The following TMEM131 variants were observed in gnomAD, a reference collection of about 807,000 sequenced individuals.
The protein encoded by TMEM131 is transmembrane protein 131.
TMEM131 carries 66 observed loss-of-function variants against 211.6 expected under a neutral mutation model. That is an observed-to-expected ratio of 0.31 (90% confidence interval 0.26 to 0.38). The LOEUF (loss-of-function observed/expected upper bound fraction) is 0.38. Ranked by LOEUF, TMEM131 falls within the 10% of genes least tolerant of loss-of-function variation. The pLI is 1.00. For synonymous variants in TMEM131, 844 were observed against 841.3 expected (o/e 1.00, Z -0.06); for missense variants, 2,036 against 2,299.3 (o/e 0.89, Z 2.34).
At chr2:97,990,471 T>C (rs143854034) in intron 1 of TMEM131, among the ~76,000 whole-genome samples, 65 of 152,346 alleles carry the variant, frequency 4.3e-4, no homozygotes, top group African/African-American at 1.2e-3. Flanking sequence ...GACAGATGTC[T>C]TAGGGCGGAA....
intron 4 of TMEM131, among the ~76,000 whole-genome samples, chr2:97,884,459 A>T (rs116766365): frequency 0.025 from 3,784 of 152,270 alleles, 51 homozygotes; most frequent in Middle Eastern, 0.065. Context: ...TGTAGTTTAA[A>T]TCCAATGCTT....
intron 5 of TMEM131, among the ~76,000 whole-genome samples, chr2:97,854,032 A>G (rs559818595): frequency 4.6e-5 from 7 of 152,344 alleles, no homozygotes; most frequent in African/African-American, 1.4e-4. Flanking sequence ...GTGCTATTAA[A>G]CAGCATTGCA....
At chr2:97,922,650 A>C (rs1676793666) in intron 2 of TMEM131, among the ~76,000 whole-genome samples, 1 of 152,204 alleles carries the variant, frequency 6.6e-6, no homozygotes, top group Non-Finnish European at 1.5e-5. Context: ...AACTTCAAAA[A>C]ATATGTGACC....
intron 2 of TMEM131, among the ~76,000 whole-genome samples, chr2:97,921,024 T>C (rs1240200726): frequency 1.3e-5 from 2 of 151,068 alleles, no homozygotes; most frequent in African/African-American, 4.9e-5. Context: ...ATTGAAAAGA[T>C]ACATATGGAA....
intron 1 of TMEM131, among the ~76,000 whole-genome samples, chr2:97,933,843 G>A (rs191195735): frequency 5.2e-4 from 79 of 152,126 alleles, no homozygotes; most frequent in African/African-American, 1.7e-3. Flanking sequence ...TGACAAAACC[G>A]AACACCTCTT....
intron 4 of TMEM131, among the ~76,000 whole-genome samples, chr2:97,862,227 T>G (rs1190479899): frequency 5.9e-5 from 9 of 151,982 alleles, no homozygotes. Context: ...CAAGTCCTTC[T>G]GAATATCTGG....
intron 1 of TMEM131, among the ~76,000 whole-genome samples, chr2:97,992,466 C>T (rs886111510): frequency 6.6e-6 from 1 of 152,054 alleles, no homozygotes; most frequent in African/African-American, 2.4e-5. Context: ...ATTTAATTGC[C>T]AATTAATAAA....
chr2:97,831,057 C>T (rs369636317), intron 11 of TMEM131, among the ~76,000 whole-genome samples: 6 of 152,160 alleles, frequency 3.9e-5, no homozygotes, highest in South Asian at 2.1e-4. Flanking sequence ...TCAGTTTCCA[C>T]GGTAGGTGGG....
intron 11 of TMEM131, among the ~76,000 whole-genome samples, chr2:97,825,032 T>G (rs994036222): frequency 6.6e-6 from 1 of 152,234 alleles, no homozygotes; most frequent in Non-Finnish European, 1.5e-5. Flanking sequence ...CAAGAATGTC[T>G]TCTTCTGTAT....
chr2:97,969,577 T>C (rs536428886), intron 1 of TMEM131, among the ~76,000 whole-genome samples: 1 of 152,244 alleles, frequency 6.6e-6, no homozygotes, highest in Non-Finnish European at 1.5e-5. Flanking sequence ...GTGCTAACAT[T>C]TGTCTTCCCA....
intron 5 of TMEM131, among the ~76,000 whole-genome samples, chr2:97,857,030 A>G (rs1219737544): frequency 6.6e-6 from 1 of 152,232 alleles, no homozygotes; most frequent in Non-Finnish European, 1.5e-5. Flanking sequence ...AAAAATTTCC[A>G]GAGAAACTAT....
rs771965477 is a variant in TMEM131 at position 97,930,100 on chromosome 2, G to C, written c.188-2613C>G. On this transcript the variant is annotated intron_variant, in intron 1 of 40. Coordinates refer to ENST00000186436, the MANE Select transcript of TMEM131 (RefSeq NM_015348.2). ...AATTTTTTGGTTATTCCCTACTGAAGACAAATTTATTAACATAAGAACACA... is the reference window on the plus strand; with the variant it reads ...AATTTTTTGGTTATTCCCTACTGAACACAAATTTATTAACATAAGAACACA... Among the ~76,000 whole-genome samples, 2 of 151,484 alleles carry C rather than the reference G, an allele frequency of 1.3e-5. 1 individual carries two copies. The highest frequency in any genetic ancestry group is 4.9e-5 in the African/African-American group (2 of 40,832).
intron 1 of TMEM131, among the ~76,000 whole-genome samples, chr2:97,946,846 A>G (rs1306578056): frequency 1.3e-5 from 2 of 152,040 alleles, no homozygotes; most frequent in African/African-American, 2.4e-5. Context: ...AGCAAATGTA[A>G]TCCATTAATG....
At position 97,767,422 on chromosome 2, in the gene TMEM131, G is replaced by A. The variant is rs190854548; in HGVS notation, c.4449-820C>T. ...CATTGTGAGTAGAATACCTATATGG[G>A]CTACAAAGGCATTCTTTATGAAGCC... On this transcript the variant is annotated intron_variant, in intron 33 of 40. Transcript: ENST00000186436. Among the ~76,000 whole-genome samples, 3 of 152,258 alleles carry A rather than the reference G, an allele frequency of 2.0e-5. No homozygotes were observed. In the East Asian group the frequency reaches 5.8e-4, roughly 29 times the overall value.
At chr2:97,849,247 A>G (rs1683584787) in intron 5 of TMEM131, among the ~76,000 whole-genome samples, 1 of 152,210 alleles carries the variant, frequency 6.6e-6, no homozygotes, top group South Asian at 2.1e-4. Flanking sequence ...AAAAACTGTT[A>G]AAATCTGTAG....
At chr2:97,985,176 C>A (rs534421769) in intron 1 of TMEM131, among the ~76,000 whole-genome samples, 1 of 152,102 alleles carries the variant, frequency 6.6e-6, no homozygotes, top group African/African-American at 2.4e-5. Context: ...AGGTATTTTT[C>A]TCTTAAAAAA....
chr2:97,849,907 A>G (rs1673541145), intron 5 of TMEM131, among the ~76,000 whole-genome samples: 1 of 151,988 alleles, frequency 6.6e-6, no homozygotes, highest in East Asian at 1.9e-4. Context: ...ATTAACTTTA[A>G]AACAACAAAA....
At chr2:97,827,503 A>C (rs917869767) in intron 11 of TMEM131, 6 of 1,086,746 alleles carry the variant, frequency 5.5e-6, no homozygotes, top group Non-Finnish European at 8.6e-6. Context: ...AACTGAGGAG[A>C]GTCCAGCCTC....
intron 6 of TMEM131, among the ~76,000 whole-genome samples, chr2:97,843,631 T>C (rs1683297918): frequency 6.6e-6 from 1 of 152,190 alleles, no homozygotes; most frequent in Admixed American, 6.5e-5. Context: ...TGAGCTACCA[T>C]ACCCAGCCTT....
Sources: allele counts gnomAD v4.1 joint callset (sites outside exome capture counted in the v4.1 genomes callset), GRCh38; gene constraint gnomAD v4.1.1; transcripts MANE v1.5; gene names NCBI Gene and HGNC (gene_info 2026-07-23, HGNC 2026-07-21).